Variants in MICAL2 observed in about 807,000 individuals in gnomAD.
MICAL2 encodes the protein microtubule associated monooxygenase, calponin and LIM domain containing 2.
A neutral mutation model predicts 127.3 loss-of-function variants in MICAL2; 77 were observed. The ratio of observed to expected loss-of-function variants is 0.60; its 90% CI spans 0.50 to 0.73. MICAL2 has a LOEUF of 0.73. Among genes scored for constraint, MICAL2 ranks in the 30% least tolerant of loss-of-function variants. MICAL2 has a pLI of 0.00. For synonymous variants in MICAL2, 570 were observed against 551.1 expected (o/e 1.03, Z -0.48); for missense variants, 1,351 against 1,434.4 (o/e 0.94, Z 0.94).
downstream of MICAL2, chr11:12,294,981 A>G: frequency 7.6e-7 from 1 of 1,316,014 alleles, no homozygotes; most frequent in Non-Finnish European, 9.7e-7. Flanking sequence ...AAGTAGGAAA[A>G]CTTTAAAGGC....
chr11:12,283,465 A>G (rs187345722), intron 2 of MICAL2, among the ~76,000 whole-genome samples: 254 of 152,350 alleles, frequency 1.7e-3, no homozygotes, highest in African/African-American at 6.0e-3. Flanking sequence ...AACAAAACGC[A>G]GTATATCCAT....
intron 32 of MICAL2, among the ~76,000 whole-genome samples, chr11:12,335,430 T>G (rs1489960763): frequency 6.6e-6 from 1 of 152,156 alleles, no homozygotes; most frequent in Non-Finnish European, 1.5e-5. Context: ...GGTAGTTTCT[T>G]TTGCTGTGCA....
chr11:12,276,169 A>G (rs1863720675), intron 1 of MICAL2: 1 of 399,158 alleles, frequency 2.5e-6, no homozygotes, highest in African/African-American at 2.1e-5. Flanking sequence ...GACAGCAGGT[A>G]TGCTCAGGCT....
intron 2 of MICAL2, among the ~76,000 whole-genome samples, chr11:12,139,228 C>G (rs1852115517): frequency 6.6e-6 from 1 of 152,198 alleles, no homozygotes; most frequent in Admixed American, 6.5e-5. Flanking sequence ...CTCCTCTGCC[C>G]TGCTCCTGTA....
At chr11:12,181,010 C>A (rs1246809765) in intron 3 of MICAL2, among the ~76,000 whole-genome samples, 1 of 139,714 alleles carries the variant, frequency 7.2e-6, no homozygotes, top group Non-Finnish European at 1.5e-5. Flanking sequence ...TCACTGGAAT[C>A]TCCGCCCCGC....
rs188548541 is a variant in MICAL2 at position 12,162,126 on chromosome 11, C to T, written c.-30C>T. On this transcript the variant is annotated 5_prime_UTR_variant, in exon 3 of 28. Coordinates refer to ENST00000683283, the MANE Select transcript of MICAL2 (RefSeq NM_001282663.2). Reference sequence around the variant, plus strand: ...TCATGCTGTTCACCTGTGTCCTCGCCGCACCACTGCCGCACACGACTCCTG... The same window carrying T: ...TCATGCTGTTCACCTGTGTCCTCGCTGCACCACTGCCGCACACGACTCCTG... 2.6e-4 allele frequency: 424 copies of T among 1,613,386 alleles called. 3 individuals are homozygous for T. The African/African-American group carries it at 5.1e-3, about 19-fold the overall frequency.
Position 12,160,433 on chromosome 11 carries a change from G to T in MICAL2, c.-77-1646G>T, listed in dbSNP as rs942167394. ...CTGCTCCTCACCACCCACTGGAGAG[G>T]CCAGTCCCCCTCCTTGGCCTGGAGG... is the stretch of plus-strand genomic sequence containing the variant. On this transcript the variant is annotated intron_variant, in intron 2 of 27. Transcript: ENST00000683283. Among the ~76,000 whole-genome samples, 4 of 152,152 alleles carry T rather than the reference G, an allele frequency of 2.6e-5. No homozygotes were observed. The East Asian group carries it at 7.7e-4, about 29-fold the overall frequency.
At chr11:12,329,878 A>G (rs868545410) in intron 32 of MICAL2, among the ~76,000 whole-genome samples, 26 of 120,656 alleles carry the variant, frequency 2.2e-4, no homozygotes, top group Admixed American at 1.4e-3. Context: ...AAAAAAAAAA[A>G]AAAAAGAAAA....
chr11:12,311,760 T>C (rs1399275880), intron 29 of MICAL2, among the ~76,000 whole-genome samples: 1 of 152,220 alleles, frequency 6.6e-6, no homozygotes, highest in African/African-American at 2.4e-5. Flanking sequence ...GCTAGTCTCA[T>C]AACACAACTT....
chr11:12,170,272 A>G (rs1856075297), intron 3 of MICAL2, among the ~76,000 whole-genome samples: 2 of 152,100 alleles, frequency 1.3e-5, no homozygotes, highest in Non-Finnish European at 1.5e-5. Context: ...CAATATGGCA[A>G]TACCCCGTCT....
downstream of MICAL2, among the ~76,000 whole-genome samples, chr11:12,264,357 T>C (rs939623128): frequency 4.6e-5 from 7 of 152,130 alleles, no homozygotes; most frequent in Non-Finnish European, 8.8e-5. Context: ...TCCCAAAGGC[T>C]CAGGGTATTC....
intron 6 of MICAL2, among the ~76,000 whole-genome samples, chr11:12,211,385 AAAAAC>A (rs1005412095): frequency 6.6e-6 from 1 of 152,236 alleles, no homozygotes; most frequent in Non-Finnish European, 1.5e-5. Flanking sequence ...CATCTCAGAA[AAAAAC>A]AAAACAAAAC....
intron 1 of MICAL2, among the ~76,000 whole-genome samples, chr11:12,277,236 G>T (rs1194620350): frequency 6.6e-6 from 1 of 152,042 alleles, no homozygotes; most frequent in Non-Finnish European, 1.5e-5. Context: ...CCAACTGGCA[G>T]TCCAGGCTTG....
intron 32 of MICAL2, among the ~76,000 whole-genome samples, chr11:12,349,276 A>G (rs1342425835): frequency 6.6e-6 from 1 of 152,186 alleles, no homozygotes; most frequent in Non-Finnish European, 1.5e-5. Flanking sequence ...CTTTTCCCCC[A>G]TGAGACACAA....
intron 32 of MICAL2, among the ~76,000 whole-genome samples, chr11:12,329,030 G>T (rs1249720313): frequency 6.6e-6 from 1 of 152,214 alleles, no homozygotes; most frequent in Non-Finnish European, 1.5e-5. Flanking sequence ...CAGTTTTCTT[G>T]TTGGTAAATT....
At chr11:12,126,984 T>C (rs1241177036) in intron 1 of MICAL2, among the ~76,000 whole-genome samples, 1 of 152,106 alleles carries the variant, frequency 6.6e-6, no homozygotes. Flanking sequence ...CTAGTGGGTG[T>C]TGAGGCCAAG....
chr11:12,315,976 G>A lies in MICAL2; in HGVS notation c.5213-3720G>A, dbSNP rs573316546. On this transcript the variant is annotated intron_variant, in intron 29 of 34. Transcript: ENST00000646065. ...TTGTTTCTTTAATTTAATCAAGTGT[G>A]CACATATTTAAAATTGTTTCATTTT... Among the ~76,000 whole-genome samples, 7 of 151,992 alleles carry A rather than the reference G, an allele frequency of 4.6e-5. No homozygotes were observed. The South Asian group carries it at 6.2e-4, about 14-fold the overall frequency.
intron 32 of MICAL2, among the ~76,000 whole-genome samples, chr11:12,337,895 A>G (rs1938794707): frequency 1.3e-5 from 2 of 152,172 alleles, no homozygotes; most frequent in South Asian, 4.2e-4. Context: ...GTTTTGGAAT[A>G]GGTGTGGTGT....
rs148102450 is a variant in MICAL2 at position 12,170,279 on chromosome 11, G to A, written c.264+7860G>A. Among the ~76,000 whole-genome samples the A allele has an allele frequency of 3.9e-5, 6 of 152,074 alleles. No homozygotes were observed. In the East Asian group the frequency reaches 7.7e-4, roughly 20 times the overall value. On this transcript the variant is annotated intron_variant, in intron 3 of 27. Transcript: ENST00000683283. Reference sequence around the variant, plus strand: ...AGCCCGGGCAATATGGCAATACCCCGTCTATACAAAAAATAGAAAAATTAG... The same window carrying A: ...AGCCCGGGCAATATGGCAATACCCCATCTATACAAAAAATAGAAAAATTAG...
Sources: gnomAD v4.1 joint callset for allele counts (sites outside exome capture counted in the v4.1 genomes callset) on GRCh38, gnomAD v4.1.1 for gene constraint, MANE v1.5 for transcripts, NCBI Gene and HGNC (gene_info 2026-07-23, HGNC 2026-07-21) for gene names.